SFMBT2: variants seen among roughly 807,000 people sequenced by gnomAD.
The protein encoded by SFMBT2 is Scm like with four mbt domains 2, also known as scm-like with four MBT domains protein 2.
SFMBT2 carries 38 observed loss-of-function variants against 110.1 expected under a neutral mutation model. The observed-to-expected ratio is 0.35, with a 90% CI of 0.27 to 0.45. SFMBT2 has a LOEUF of 0.45. Among genes scored for constraint, SFMBT2 ranks in the 20% least tolerant of loss-of-function variants. The probability of loss-of-function intolerance (pLI) is 1.00; values close to 1 mark genes in which losing one functional copy is unlikely to be tolerated. For synonymous variants in SFMBT2, 425 were observed against 425.4 expected, an observed-to-expected ratio of 1.00 and a Z score of 0.01; for missense variants, 1,011 against 1,094.9, an observed-to-expected ratio of 0.92 and a Z score of 1.08.
At position 7,293,720 on chromosome 10, in the gene SFMBT2, T is replaced by TTCTCTCCCTCTCTCTCTCTC. The variant is rs1245055576; in HGVS notation, c.437-7786_437-7767dup. ...TCTCTTTCTCTTTCTCTCTCTCTCT[T>TTCTCTCCCTCTCTCTCTCTC]TCTCTCCCTCTCTCTCTCTCTCATC... On this transcript the variant is annotated intron_variant, in intron 4 of 20. Coordinates refer to ENST00000397167, the MANE Select transcript of SFMBT2 (RefSeq NM_001387889.1). This position sits in a 1 kb window ranked among gnomAD's most constrained non-coding sequence, Gnocchi z 4.6. 6.6e-5 allele frequency among the ~76,000 whole-genome samples: 10 copies of TTCTCTCCCTCTCTCTCTCTC among 151,828 alleles called. No homozygotes were observed. Among genetic ancestry groups the TTCTCTCCCTCTCTCTCTCTC allele is most frequent in the Non-Finnish European group, 8.8e-5 (6 of 67,938 alleles).
In SFMBT2 at chr10:7,170,568, G is replaced by A. The variant is rs547750569; in HGVS notation, c.2544+360C>T. 4.2e-4 allele frequency among the ~76,000 whole-genome samples: 64 copies of A among 152,266 alleles called. No individual in the cohort carries two copies. The highest frequency in any genetic ancestry group is 2.7e-3 in the South Asian group (13 of 4,822). ...TCTCACCCCTGCCTGGTGGTAAAGA[G>A]CCCCCACTGTAGAGTCGGTGGAGAT... On this transcript the variant is annotated intron_variant, in intron 20 of 20. Coordinates refer to ENST00000397167, the MANE Select transcript of SFMBT2 (RefSeq NM_001387889.1). The surrounding 1 kb of genome is among the most constrained non-coding windows in gnomAD (Gnocchi z 4.6).
intron 4 of SFMBT2, among the ~76,000 whole-genome samples, chr10:7,294,022 G>T (rs1310136553): frequency 6.6e-6 from 1 of 152,166 alleles, no homozygotes; most frequent in Non-Finnish European, 1.5e-5. Context: ...CGTCCCAAAG[G>T]GACCCCAGGA....
At chr10:7,188,130 C>T (rs901790454) in intron 16 of SFMBT2, among the ~76,000 whole-genome samples, 14 of 152,334 alleles carry the variant, frequency 9.2e-5, no homozygotes, top group South Asian at 2.1e-4. Context: ...CTTGACTCCA[C>T]GCCAACCCAG....
intron 1 of SFMBT2, among the ~76,000 whole-genome samples, chr10:7,392,137 T>C (rs1024735441): frequency 6.6e-6 from 1 of 152,184 alleles, no homozygotes; most frequent in Non-Finnish European, 1.5e-5. Flanking sequence ...GAAAACATGC[T>C]CTCAAGTCCG....
rs186147534 is a variant in SFMBT2, at chr10:7,315,344, G to C, written c.437-29390C>G. Among the ~76,000 whole-genome samples the C allele has an allele frequency of 3.3e-5, 5 of 152,364 alleles. No individual in the cohort carries two copies. In the East Asian group the frequency reaches 9.6e-4, roughly 29 times the overall value. On this transcript the variant is annotated intron_variant, in intron 4 of 20. Transcript: ENST00000397167. ...ATCCCATCCATCGCAGGCCTGTATA[G>C]AACAAGAGTCTGATCCACCCCCAAG...
At chr10:7,390,170 T>C (rs1260028370) in intron 1 of SFMBT2, among the ~76,000 whole-genome samples, 1 of 152,176 alleles carries the variant, frequency 6.6e-6, no homozygotes, top group Admixed American at 6.5e-5. Context: ...GTTGAGGACC[T>C]GAATTTTAAT....
chr10:7,367,295 C>T lies in SFMBT2; in HGVS notation c.436+354G>A, dbSNP rs191386810. ...CAACTCCTGATGTCCTTTCAGCCTT[C>T]CTTTCTTACCCTCCAATTCCTGATG... On this transcript the variant is annotated intron_variant, in intron 4 of 20. Transcript: ENST00000397167. The surrounding 1 kb of genome is among the most constrained non-coding windows in gnomAD (Gnocchi z 6.2). Among the ~76,000 whole-genome samples, 205 of 81,212 alleles carry T rather than the reference C, an allele frequency of 2.5e-3. No individual in the cohort carries two copies. The highest frequency in any genetic ancestry group is 5.8e-3 in the Middle Eastern group (1 of 172). 53.3% of individuals were successfully genotyped at this position (81,212 alleles called of 152,430 possible). A position where few individuals can be genotyped will look rare whatever the true frequency, so the allele number is the denominator to read the frequency against.
chr10:7,175,531 C>T (rs1442597572), intron 17 of SFMBT2, among the ~76,000 whole-genome samples: 3 of 152,078 alleles, frequency 2.0e-5, no homozygotes, highest in Admixed American at 6.5e-5. Context: ...CTGAGGAAGG[C>T]GTCTAAACAT....
At chr10:7,230,314 C>T (rs1042649973) in intron 9 of SFMBT2, among the ~76,000 whole-genome samples, 1 of 152,128 alleles carries the variant, frequency 6.6e-6, no homozygotes, top group Non-Finnish European at 1.5e-5. Flanking sequence ...GGACCAGAGC[C>T]GACTTTCTTC....
chr10:7,179,677 A>G lies in SFMBT2; in HGVS notation c.1809-3512T>C, dbSNP rs61836743. Among the ~76,000 whole-genome samples, 787 of 152,352 alleles carry G rather than the reference A, an allele frequency of 5.2e-3. 3 individuals carry two copies. The highest frequency in any genetic ancestry group is 7.2e-3 in the Non-Finnish European group (487 of 68,042). ...CAGGTCAGAGGACAAACTGCAGAAC[A>G]AGGCTCAAAGATGAGACTGCTCATC... is the stretch of plus-strand genomic sequence containing the variant. On this transcript the variant is annotated intron_variant, in intron 16 of 20. Transcript: ENST00000397167.
chr10:7,398,445 T>C (rs1046469850), intron 1 of SFMBT2, among the ~76,000 whole-genome samples: 3 of 152,256 alleles, frequency 2.0e-5, no homozygotes, highest in African/African-American at 4.8e-5. Context: ...TAAAGAAGGA[T>C]GAAGTTTTAC....
At chr10:7,390,598 T>A (rs71481718) in intron 1 of SFMBT2, among the ~76,000 whole-genome samples, 4,290 of 152,288 alleles carry the variant, frequency 0.028, 66 homozygotes, top group Middle Eastern at 0.051. Context: ...AATGTAGTCA[T>A]GTACCAAGTT....
intron 1 of SFMBT2, among the ~76,000 whole-genome samples, chr10:7,383,591 G>C (rs1008858288): frequency 2.6e-5 from 4 of 152,156 alleles, no homozygotes; most frequent in African/African-American, 4.8e-5. Context: ...TACCTGTTTC[G>C]GAGAATGAAC....
intron 4 of SFMBT2, among the ~76,000 whole-genome samples, chr10:7,359,350 G>A (rs1844634418): frequency 6.6e-6 from 1 of 152,214 alleles, no homozygotes; most frequent in African/African-American, 2.4e-5. Flanking sequence ...AAGGGGAGGT[G>A]GGGCACCAAG....
intron 8 of SFMBT2, among the ~76,000 whole-genome samples, chr10:7,248,293 G>C (rs1380675562): frequency 6.6e-6 from 1 of 152,216 alleles, no homozygotes; most frequent in Non-Finnish European, 1.5e-5. Context: ...CTCGTCAGTG[G>C]ACAACTATCA....
Position 7,299,482 on chromosome 10 carries a change from A to G in SFMBT2, c.437-13528T>C, listed in dbSNP as rs191268527. Among the ~76,000 whole-genome samples the G allele has an allele frequency of 1.5e-3, 226 of 152,352 alleles. 1 individual carries two copies. The highest frequency in any genetic ancestry group is 5.2e-3 in the African/African-American group (218 of 41,586). ...ACGTGGCCAACAAAGATATTTAAAAAAGCTCAACATCGCTGATCATCAGAG... is the reference window on the plus strand; with the variant it reads ...ACGTGGCCAACAAAGATATTTAAAAGAGCTCAACATCGCTGATCATCAGAG... On this transcript the variant is annotated intron_variant, in intron 4 of 20. Transcript: ENST00000397167.
At chr10:7,174,423 G>A (rs1298060584) in intron 17 of SFMBT2, among the ~76,000 whole-genome samples, 2 of 152,212 alleles carry the variant, frequency 1.3e-5, no homozygotes, top group African/African-American at 2.4e-5. Context: ...GCCTTAGAAC[G>A]AGACTGGGTG....
intron 4 of SFMBT2, among the ~76,000 whole-genome samples, chr10:7,326,578 G>A (rs746895746): frequency 1.3e-5 from 2 of 152,318 alleles, no homozygotes; most frequent in Non-Finnish European, 1.5e-5. Context: ...GGCATCCCAT[G>A]TAAAGATTAT....
At chr10:7,259,846 G>A (rs767964581) in intron 7 of SFMBT2, among the ~76,000 whole-genome samples, 1 of 152,200 alleles carries the variant, frequency 6.6e-6, no homozygotes, top group Non-Finnish European at 1.5e-5. Context: ...CTCTGATGCT[G>A]TCTCAGCAAG....
Sources: gnomAD v4.1 joint callset for allele counts (sites outside exome capture counted in the v4.1 genomes callset) on GRCh38, gnomAD v4.1.1 for gene constraint, Gnocchi (gnomAD v3.1) non-coding constraint, MANE v1.5 for transcripts, NCBI Gene and HGNC (gene_info 2026-07-23, HGNC 2026-07-21) for gene names.